NOMO3: variants seen among roughly 807,000 people sequenced by gnomAD.
NOMO3 encodes the protein BOS complex subunit NOMO3.
Under a neutral mutation model 69.9 loss-of-function variants are expected in NOMO3, and 15 were observed. The observed-to-expected ratio is 0.21, with a 90% confidence interval of 0.14 to 0.33. NOMO3 has a LOEUF of 0.33. NOMO3 is among the 10% of genes least tolerant of loss of function. NOMO3 has a pLI of 1.00. For missense variants in NOMO3, 218 were observed against 761.0 expected, an observed-to-expected ratio of 0.29 and a Z score of 8.39; for synonymous variants, 89 against 301.9, an observed-to-expected ratio of 0.29 and a Z score of 7.31.
At chr16:16,255,854 T>C in intron 10 of NOMO3, 29 bp downstream of exon 10, 1 of 1,509,870 alleles carries the variant, frequency 6.6e-7, no homozygotes, top group Admixed American at 1.8e-5. Context: ...CCCAGGCTGA[T>C]GGCCAGCGCT....
chr16:16,268,734 C>T (rs1379407219), intron 16 of NOMO3, among the ~76,000 whole-genome samples: 6 of 142,418 alleles, frequency 4.2e-5, no homozygotes, highest in Non-Finnish European at 8.9e-5. Flanking sequence ...GGTTCAGCAG[C>T]TGGTAGATGT....
intron 6 of NOMO3, among the ~76,000 whole-genome samples, chr16:16,249,523 A>T (rs2049445053): frequency 7.4e-6 from 1 of 134,302 alleles, no homozygotes; most frequent in Non-Finnish European, 1.5e-5. Context: ...TGGAGGTAGC[A>T]GTGAGCCAAG....
At chr16:16,260,575 G>A (rs1258435399) in intron 11 of NOMO3, among the ~76,000 whole-genome samples, 1 of 142,334 alleles carries the variant, frequency 7.0e-6, no homozygotes, top group Non-Finnish European at 1.5e-5. Context: ...TATTTGAGGC[G>A]GAGTGGTGGT....
At chr16:16,254,849 C>T (rs1297326023) in intron 9 of NOMO3, among the ~76,000 whole-genome samples, 1 of 144,668 alleles carries the variant, frequency 6.9e-6, no homozygotes, top group African/African-American at 2.8e-5. Context: ...GGGGCACAGA[C>T]ACAGACACAG....
intron 12 of NOMO3, among the ~76,000 whole-genome samples, 180 bp from the exon 13 acceptor site, chr16:16,262,894 G>A (rs967581066): frequency 1.4e-5 from 2 of 143,006 alleles, no homozygotes; most frequent in Non-Finnish European, 3.0e-5. Context: ...GGGTAGAACC[G>A]TGCTTACTTC....
chr16:16,265,668 ATATTTT>A (rs2049610689), intron 15 of NOMO3, among the ~76,000 whole-genome samples: 1 of 24,916 alleles, frequency 4.0e-5, no homozygotes, highest in African/African-American at 2.0e-4. Context: ...ATATATATAT[ATATTTT>A]TTTTTTTTTT....
chr16:16,242,801 C>A (rs1363196512), intron 3 of NOMO3, among the ~76,000 whole-genome samples: 1 of 143,872 alleles, frequency 7.0e-6, no homozygotes. Flanking sequence ...GCACTCAGCT[C>A]AGTGCCTGGT....
rs1255128991 is a variant in NOMO3, at chr16:16,236,881, TTTCC to T, written c.166-9_166-6del. On this transcript the variant is annotated splice_polypyrimidine_tract_variant and intron_variant, in intron 1 of 30. Transcript: ENST00000399336. The stretch of plus-strand genomic sequence containing the variant: ...CCAAAGGCAATGTTATGATTTCTGT[TTTCC>T]TTCCTTCCTTTCCAGATAAAGCTGT... The T allele has an allele frequency of 8.4e-6, 12 of 1,433,126 alleles. 1 individual carries two copies. In the South Asian group the frequency reaches 8.8e-5, roughly 11 times the overall value. The allele number at this position is 1,433,126 out of a possible 1,614,324, so 88.8% of individuals were successfully genotyped here.
At chr16:16,237,247 C>T (rs1267648712) in intron 2 of NOMO3, among the ~76,000 whole-genome samples, 3 of 144,590 alleles carry the variant, frequency 2.1e-5, no homozygotes, top group African/African-American at 5.5e-5. Flanking sequence ...CTGTGCGCTA[C>T]AGTCACCCAG....
intron 11 of NOMO3, among the ~76,000 whole-genome samples, chr16:16,258,268 G>A (rs2049532999): frequency 7.2e-6 from 1 of 138,636 alleles, no homozygotes; most frequent in Non-Finnish European, 1.5e-5. Context: ...CATTTATGCT[G>A]CTAAATTATG....
Position 16,243,077 on chromosome 16 carries a change from G to A in NOMO3, c.302-84G>A, listed in dbSNP as rs572666727. The A allele has an allele frequency of 1.6e-5, 11 of 696,174 alleles. 1 individual carries two copies. Among genetic ancestry groups the A allele is most frequent in the Non-Finnish European group, 2.3e-5 (10 of 437,020 alleles). 43.1% of individuals were successfully genotyped at this position (696,174 alleles called of 1,614,324 possible). On this transcript the variant is annotated intron_variant, in intron 3 of 30. Coordinates refer to ENST00000399336, the MANE Select transcript of NOMO3 (RefSeq NM_001004067.4). ...AATGAAACCTGAATAATAAAAATACGTTCTACTTAGGTTCACTGTACCCCA... is the reference window on the plus strand; with the variant it reads ...AATGAAACCTGAATAATAAAAATACATTCTACTTAGGTTCACTGTACCCCA...
chr16:16,268,878 G>A (rs1290156410), intron 16 of NOMO3, among the ~76,000 whole-genome samples: 2 of 143,396 alleles, frequency 1.4e-5, no homozygotes, highest in Non-Finnish European at 1.5e-5. Context: ...ATTTCCTTGC[G>A]CCCCCTCCTC....
At chr16:16,252,325 C>T in intron 8 of NOMO3, 108 bp from the exon 9 acceptor site, 2 of 1,399,632 alleles carry the variant, frequency 1.4e-6, no homozygotes, top group East Asian at 2.6e-5. Context: ...GAATGTTTCT[C>T]TTGGTCTGTC....
chr16:16,260,961 T>A (rs1204790125), intron 11 of NOMO3: 1 of 149,544 alleles, frequency 6.7e-6, no homozygotes, highest in Non-Finnish European at 1.4e-5. Context: ...TTGCATTTTT[T>A]AACTTAATTA....
intron 8 of NOMO3, 148 bp downstream of exon 8, chr16:16,252,248 C>T: frequency 6.5e-7 from 1 of 1,533,980 alleles, no homozygotes. Context: ...AGATGAGACA[C>T]TCACCCCTTC....
In NOMO3 at chr16:16,236,944, A is replaced by G; in HGVS notation, c.209A>G (p.Asp70Gly). The G allele has an allele frequency of 3.9e-6, 6 of 1,556,334 alleles. 1 individual carries two copies. The highest frequency in any genetic ancestry group is 5.2e-6 in the Non-Finnish European group (6 of 1,149,762). Residue 70 changes from aspartate (D) to glycine (G), a missense_variant, in exon 2 of 31, where the codon GAC (aspartate) becomes GGC (glycine). Transcript: ENST00000399336. ...CATGGGACTTTGAAATACCAGACAG[A>G]CTGTGCCCCTAATAATGGTTACTTT... ...TKHGTLKYQT[D>G]CAPNNGYFMI...
At chr16:16,249,187 G>A (rs1235614412) in intron 6 of NOMO3, among the ~76,000 whole-genome samples, 4 of 144,972 alleles carry the variant, frequency 2.8e-5, no homozygotes, top group Non-Finnish European at 4.4e-5. Flanking sequence ...TAGGTTTTAC[G>A]CACTTATAAT....
intron 12 of NOMO3, among the ~76,000 whole-genome samples, chr16:16,262,133 CG>C (rs2049570705): frequency 2.1e-5 from 1 of 47,706 alleles, no homozygotes; most frequent in Admixed American, 2.4e-4. Context: ...AACGGGGAGA[CG>C]GTCTGGCCTG....
rs1263114139 is a variant in NOMO3, at chr16:16,255,307, C to G, written c.964-413C>G. Among the ~76,000 whole-genome samples, 2 of 140,460 alleles carry G rather than the reference C, an allele frequency of 1.4e-5. 1 individual carries two copies. Among genetic ancestry groups the G allele is most frequent in the African/African-American group, 6.1e-5 (2 of 32,880 alleles). 92.1% of individuals were successfully genotyped at this position (140,460 alleles called of 152,430 possible). ...CAGAGGTGGAATCCACAGGACTGAT[C>G]GATGCTGGAGGAGCGGGGCGGGTCA... On this transcript the variant is annotated intron_variant, in intron 9 of 30. Transcript: ENST00000399336.
Sources: allele counts gnomAD v4.1 joint callset (sites outside exome capture counted in the v4.1 genomes callset), GRCh38; gene constraint gnomAD v4.1.1; transcripts MANE v1.5; gene names NCBI Gene and HGNC (gene_info 2026-07-23, HGNC 2026-07-21).